The following SEL1L2 variants were observed in gnomAD, a reference collection of about 807,000 sequenced individuals.
SEL1L2 encodes the protein protein sel-1 homolog 2.
SEL1L2 carries 89 observed loss-of-function variants against 98.8 expected under a neutral mutation model. The observed-to-expected ratio is 0.90, with a 90% CI of 0.76 to 1.07. SEL1L2 has a LOEUF of 1.07. Among genes scored for constraint, SEL1L2 ranks in the 50% least tolerant of loss-of-function variants. The pLI, the probability that SEL1L2 is intolerant of heterozygous loss-of-function variation, is 0.00. For missense variants in SEL1L2, 788 were observed against 812.0 expected (o/e 0.97, Z 0.36); for synonymous variants, 262 against 278.5 (o/e 0.94, Z 0.59).
chr20:13,927,387 TG>T (rs2148287354), intron 3 of SEL1L2, among the ~76,000 whole-genome samples: 1 of 152,322 alleles, frequency 6.6e-6, no homozygotes, highest in South Asian at 2.1e-4. Flanking sequence ...CTTTAAGCTA[TG>T]GGGGTATAAA....
intron 1 of SEL1L2, among the ~76,000 whole-genome samples, chr20:13,961,521 T>C (rs116731096): frequency 0.014 from 2,075 of 152,298 alleles, 50 homozygotes; most frequent in African/African-American, 0.046. Flanking sequence ...AGAAGACTTA[T>C]AAGGTTTTTA....
At chr20:13,934,135 C>T (rs931064082) in intron 2 of SEL1L2, among the ~76,000 whole-genome samples, 9 of 149,456 alleles carry the variant, frequency 6.0e-5, no homozygotes, top group Admixed American at 5.4e-4. Context: ...CCCTTTCCCC[C>T]CAATTCCCCA....
In SEL1L2 at chr20:13,931,623, A is replaced by C. The variant is rs1335646753; in HGVS notation, c.263T>G (p.Leu88Trp). 1 of 1,412,632 alleles carries C rather than the reference A, an allele frequency of 7.1e-7. No individual in the cohort carries two copies. Among genetic ancestry groups the C allele is most frequent in the Non-Finnish European group, 9.7e-7 (1 of 1,034,810 alleles). The allele number at this position is 1,412,632 out of a possible 1,614,324, so 87.5% of individuals were successfully genotyped here. Reference protein sequence around the residue: ...RIKGIQNKDILKRNKNHLQKQ... With the variant: ...RIKGIQNKDIWKRNKNHLQKQ... ...CTTACAATGATTCTTATTTCTCTTC[A>C]AGATATCTTTATTTTGAATTCCTTT... Residue 88 changes from leucine (L) to tryptophan (W), a missense_variant, in exon 3 of 20, where the codon TTG (leucine) becomes TGG (tryptophan). Physicochemically the swap from Leu to Trp is moderately conservative, Grantham distance 61. Coordinates refer to ENST00000284951, the MANE Select transcript of SEL1L2 (RefSeq NM_025229.2).
intron 1 of SEL1L2, among the ~76,000 whole-genome samples, chr20:13,964,016 C>T (rs1423789031): frequency 4.6e-5 from 7 of 151,986 alleles, no homozygotes; most frequent in Non-Finnish European, 8.8e-5. Context: ...GGATTACAGG[C>T]ACGTGCCACC....
intron 5 of SEL1L2, among the ~76,000 whole-genome samples, chr20:13,893,512 A>G (rs1236637516): frequency 6.6e-6 from 1 of 152,220 alleles, no homozygotes; most frequent in Non-Finnish European, 1.5e-5. Flanking sequence ...GCATCCAACC[A>G]TATGAAGAAA....
At chr20:13,964,029 TC>T (rs1282487838) in intron 1 of SEL1L2, among the ~76,000 whole-genome samples, 1 of 151,494 alleles carries the variant, frequency 6.6e-6, no homozygotes, top group Non-Finnish European at 1.5e-5. Context: ...GTGCCACCAC[TC>T]CCAGCTAATT....
At chr20:13,876,218 T>A (rs937727063) in intron 11 of SEL1L2, 103 bp from the exon 12 acceptor site, 98 of 800,140 alleles carry the variant, frequency 1.2e-4, no homozygotes, top group Non-Finnish European at 2.1e-4. Flanking sequence ...ACATATTGAA[T>A]GTAGTAAATG....
At chr20:13,868,606 CTTTT>C (rs1259507156) in intron 14 of SEL1L2, among the ~76,000 whole-genome samples, 2 of 138,578 alleles carry the variant, frequency 1.4e-5, no homozygotes. Flanking sequence ...TTCTTTCTTA[CTTTT>C]TTTTTTTTTT....
In SEL1L2 at chr20:13,913,944, T is replaced by C; in HGVS notation, c.387A>G (p.Glu129=). ...CTGCTTTGGCAAAAAGTAGGTAGGC[T>C]CTGTTTCAAGAATATAAAGTCAAGT... ...QQSKSQKQKE[E]AYLLFAKAAD... Residue 129 remains glutamate (E), a splice_region_variant and synonymous_variant, in exon 5 of 20, where the codon GAA becomes GAG. Coordinates refer to ENST00000284951, the MANE Select transcript of SEL1L2 (RefSeq NM_025229.2). 1 of 1,559,652 alleles carries C rather than the reference T, an allele frequency of 6.4e-7. No homozygotes were observed. The highest frequency in any genetic ancestry group is 2.4e-5 in the East Asian group (1 of 41,648).
intron 18 of SEL1L2, among the ~76,000 whole-genome samples, chr20:13,853,596 C>T (rs1165638007): frequency 1.3e-5 from 2 of 152,252 alleles, no homozygotes; most frequent in African/African-American, 2.4e-5. Flanking sequence ...TGCCAGTTAC[C>T]ACTGTCATTT....
upstream of SEL1L2, among the ~76,000 whole-genome samples, chr20:13,994,534 C>T (rs1432811007): frequency 2.0e-5 from 3 of 152,070 alleles, no homozygotes; most frequent in Non-Finnish European, 4.4e-5. Flanking sequence ...TTACAACATC[C>T]ACTCAATTAG....
intron 2 of SEL1L2, among the ~76,000 whole-genome samples, chr20:13,941,136 T>C (rs1169458800): frequency 4.6e-5 from 7 of 152,046 alleles, no homozygotes; most frequent in African/African-American, 1.7e-4. Flanking sequence ...AAAACAGCCT[T>C]GAGAAAACAG....
intron 9 of SEL1L2, among the ~76,000 whole-genome samples, chr20:13,885,815 C>T (rs2046924683): frequency 6.6e-6 from 1 of 152,160 alleles, no homozygotes; most frequent in South Asian, 2.1e-4. Flanking sequence ...ATGGGCAGAT[C>T]ACGAGGTCAG....
intron 2 of SEL1L2, among the ~76,000 whole-genome samples, chr20:13,935,949 C>T (rs1343482499): frequency 6.6e-6 from 1 of 152,084 alleles, no homozygotes; most frequent in East Asian, 1.9e-4. Flanking sequence ...ACATTGCTGA[C>T]AAGATTTTCT....
At chr20:13,857,472 A>G (rs1455195315) in intron 18 of SEL1L2, among the ~76,000 whole-genome samples, 4 of 152,260 alleles carry the variant, frequency 2.6e-5, no homozygotes, top group African/African-American at 9.6e-5. Context: ...ACAGTCCGCC[A>G]GCTGGGCACT....
At chr20:13,870,051 A>T in intron 13 of SEL1L2, 90 bp downstream of exon 13, 2 of 902,806 alleles carry the variant, frequency 2.2e-6, no homozygotes, top group Non-Finnish European at 3.5e-6. Context: ...ACCAGATAAT[A>T]GAGATAAATT....
intron 12 of SEL1L2, among the ~76,000 whole-genome samples, chr20:13,871,575 G>A (rs1425391517): frequency 6.6e-6 from 1 of 151,692 alleles, no homozygotes; most frequent in Non-Finnish European, 1.5e-5. Context: ...GCAGTGAGGT[G>A]ATCTCGGCTC....
chr20:13,920,810 A>G (rs1159834924), intron 3 of SEL1L2, among the ~76,000 whole-genome samples: 1 of 152,118 alleles, frequency 6.6e-6, no homozygotes, highest in Non-Finnish European at 1.5e-5. Context: ...TTCTTTTTAA[A>G]TTAAATTTAA....
chr20:13,897,951 C>G (rs1283612627), intron 5 of SEL1L2, among the ~76,000 whole-genome samples: 1 of 151,942 alleles, frequency 6.6e-6, no homozygotes, highest in Non-Finnish European at 1.5e-5. Flanking sequence ...AACACACACA[C>G]ACACACACAC....
Sources: allele counts gnomAD v4.1 joint callset (sites outside exome capture counted in the v4.1 genomes callset), GRCh38; gene constraint gnomAD v4.1.1; transcripts MANE v1.5; gene names NCBI Gene and HGNC (gene_info 2026-07-23, HGNC 2026-07-21).